The following NLGN4Y variants were observed in gnomAD, a reference collection of about 807,000 sequenced individuals.
The protein encoded by NLGN4Y is neuroligin 4 Y-linked, also known as neuroligin-4, Y-linked.
In NLGN4Y, 4 loss-of-function variants were observed where a neutral mutation model predicts 8.4. The ratio of observed to expected loss-of-function variants is 0.48; its 90% CI spans 0.23 to 1.09. NLGN4Y has a LOEUF of 1.09. Among genes scored for constraint, NLGN4Y ranks in the 50% least tolerant of loss-of-function variants. The pLI, the probability that NLGN4Y is intolerant of heterozygous loss-of-function variation, is 0.19. For missense variants in NLGN4Y, 90 were observed against 192.3 expected (o/e 0.47, Z 3.15); for synonymous variants, 35 against 75.6 (o/e 0.46, Z 2.78).
intron 2 of NLGN4Y, among the ~76,000 whole-genome samples, chrY:14,644,460 G>A (rs1031890708): frequency 1.8e-4 from 6 of 33,232 alleles, no homozygotes; most frequent in Non-Finnish European, 3.7e-4. Context: ...CATTAATATC[G>A]ATTCTCTTAG....
At chrY:14,655,281 T>C (rs2080645924) in intron 2 of NLGN4Y, among the ~76,000 whole-genome samples, 1 of 30,269 alleles carries the variant, frequency 3.3e-5, no homozygotes, top group African/African-American at 1.3e-4. Flanking sequence ...GCCTTTTTTT[T>C]TTTTTTTTTC....
chrY:14,573,116 G>T (rs563586188), intron 1 of NLGN4Y, among the ~76,000 whole-genome samples: 1 of 33,431 alleles, frequency 3.0e-5, no homozygotes, highest in African/African-American at 1.2e-4. Flanking sequence ...CTCATAAAAT[G>T]AGTTAGGGAG....
intron 4 of NLGN4Y, among the ~76,000 whole-genome samples, chrY:14,784,432 G>A (rs2042953599): frequency 3.0e-5 from 1 of 33,292 alleles, no homozygotes; most frequent in African/African-American, 1.2e-4. Context: ...AGGCCGAGGC[G>A]GGCGGATCAC....
chrY:14,782,922 AT>A (rs2042948053), intron 4 of NLGN4Y, among the ~76,000 whole-genome samples: 2 of 33,784 alleles, frequency 5.9e-5, no homozygotes, highest in Non-Finnish European at 1.5e-4. Context: ...AGGCTGGGGC[AT>A]TGGAACTGAT....
At chrY:14,678,962 A>G (rs1205343964) in intron 2 of NLGN4Y, among the ~76,000 whole-genome samples, 2 of 31,871 alleles carry the variant, frequency 6.3e-5, no homozygotes, top group Non-Finnish European at 1.5e-4. Flanking sequence ...CCTGGGCAAC[A>G]TAATGAAACT....
At chrY:14,758,950 T>G in intron 4 of NLGN4Y, among the ~76,000 whole-genome samples, 1 of 33,925 alleles carries the variant, frequency 2.9e-5, no homozygotes, top group Non-Finnish European at 7.3e-5. Context: ...CACTTTCAAT[T>G]AGAAGGTTGG....
chrY:14,782,874 C>T, intron 4 of NLGN4Y, among the ~76,000 whole-genome samples: 2 of 33,285 alleles, frequency 6.0e-5, no homozygotes, highest in African/African-American at 1.2e-4. Flanking sequence ...CTCCATGGGG[C>T]GAGACAAAGG....
intron 2 of NLGN4Y, among the ~76,000 whole-genome samples, chrY:14,711,765 T>TTTCAGTATG: frequency 3.1e-5 from 1 of 32,337 alleles, no homozygotes; most frequent in Admixed American, 2.8e-4. Flanking sequence ...GCTACTTTAC[T>TTTCAGTATG]GAAAGCTCCA....
intron 2 of NLGN4Y, among the ~76,000 whole-genome samples, chrY:14,685,579 G>A (rs748120847): frequency 3.0e-5 from 1 of 33,135 alleles, no homozygotes; most frequent in South Asian, 6.8e-4. Context: ...ATACTAAAAG[G>A]CCATTACCTT....
intron 1 of NLGN4Y, among the ~76,000 whole-genome samples, chrY:14,595,710 G>A: frequency 6.0e-5 from 2 of 33,122 alleles, no homozygotes; most frequent in Non-Finnish European, 1.5e-4. Context: ...AAAATTACCC[G>A]CAGTTTTGGT....
chrY:14,750,464 C>T (rs1000631650), intron 4 of NLGN4Y, among the ~76,000 whole-genome samples: 3 of 33,245 alleles, frequency 9.0e-5, no homozygotes, highest in Admixed American at 5.5e-4. Flanking sequence ...CATGAGCCAC[C>T]GTGCTGAACT....
At chrY:14,591,026 A>G (rs2080369149) in intron 1 of NLGN4Y, among the ~76,000 whole-genome samples, 1 of 33,459 alleles carries the variant, frequency 3.0e-5, no homozygotes, top group Non-Finnish European at 7.4e-5. Flanking sequence ...TTCCTGTAGC[A>G]GTAGCCATTC....
At chrY:14,786,716 T>C in intron 4 of NLGN4Y, among the ~76,000 whole-genome samples, 1 of 33,244 alleles carries the variant, frequency 3.0e-5, no homozygotes, top group Non-Finnish European at 7.4e-5. Flanking sequence ...TCCTGATGTA[T>C]ATACTATCAG....
chrY:14,651,942 A>G, intron 2 of NLGN4Y, among the ~76,000 whole-genome samples: 1 of 33,444 alleles, frequency 3.0e-5, no homozygotes, highest in Non-Finnish European at 7.4e-5. Context: ...CCGCTTATAC[A>G]GCTGCTTATA....
intron 1 of NLGN4Y, among the ~76,000 whole-genome samples, chrY:14,536,328 G>A: frequency 4.7e-5 from 1 of 21,270 alleles, no homozygotes; most frequent in Non-Finnish European, 9.6e-5. Flanking sequence ...CTCACTGCAA[G>A]CTCCGCCTCC....
chrY:14,539,553 C>CT (rs369831721), intron 1 of NLGN4Y, among the ~76,000 whole-genome samples: 89 of 23,969 alleles, frequency 3.7e-3, no homozygotes, highest in East Asian at 0.013. Context: ...TTTCCTTCTT[C>CT]TTTTTTTTTT....
intron 2 of NLGN4Y, among the ~76,000 whole-genome samples, chrY:14,672,492 G>A (rs752029933): frequency 4.6e-5 from 1 of 21,754 alleles, no homozygotes; most frequent in East Asian, 1.2e-3. Flanking sequence ...GCCACTGCAC[G>A]CCAGCCTGGG....
chrY:14,620,344 A>C, intron 1 of NLGN4Y, among the ~76,000 whole-genome samples: 2 of 33,829 alleles, frequency 5.9e-5, no homozygotes, highest in African/African-American at 2.3e-4. Flanking sequence ...GGATTGCTGC[A>C]TGGCAGACAT....
chrY:14,756,888 TATATATATATA>T (rs2081062081), intron 4 of NLGN4Y, among the ~76,000 whole-genome samples: 16 of 14,768 alleles, frequency 1.1e-3, no homozygotes, highest in East Asian at 8.2e-3. Flanking sequence ...TATATATATA[TATATATATATA>T]TATATATATA....
Sources: gnomAD v4.1 joint callset for allele counts (sites outside exome capture counted in the v4.1 genomes callset) on GRCh38, gnomAD v4.1.1 for gene constraint, MANE v1.5 for transcripts, NCBI Gene and HGNC (gene_info 2026-07-23, HGNC 2026-07-21) for gene names.